The following ZNF280B variants were observed in gnomAD, a reference collection of about 807,000 sequenced individuals.
The protein encoded by ZNF280B is zinc finger protein 280B.
A neutral mutation model predicts 38.0 loss-of-function variants in ZNF280B; 16 were observed. The ratio of observed to expected loss-of-function variants is 0.42; its 90% confidence interval spans 0.28 to 0.64. ZNF280B has a LOEUF of 0.64. Ranked by LOEUF, ZNF280B falls within the 30% of genes least tolerant of loss-of-function variation. The pLI, the probability that ZNF280B is intolerant of heterozygous loss-of-function variation, is 0.21. For synonymous variants in ZNF280B, 253 were observed against 230.6 expected, an observed-to-expected ratio of 1.10 and a Z score of -0.88; for missense variants, 581 against 639.6, an observed-to-expected ratio of 0.91 and a Z score of 0.99.
chr22:22,508,462 AAGGGGGTGTGCGTG>A (rs1362878859), intron 1 of ZNF280B, among the ~76,000 whole-genome samples, 183 bp downstream of exon 1: 4 of 151,518 alleles, frequency 2.6e-5, no homozygotes, highest in African/African-American at 9.7e-5. Flanking sequence ...GAGATTAGGG[AAGGGGGTGTGCGTG>A]AGGGGATCGT....
Position 22,485,459 on chromosome 22 carries a change from C to A in ZNF280B, c.*2308G>T, listed in dbSNP as rs2061491073. ...GTAATTTTAGCAAAGTGTCTTAACCCAAGCAACGTAACTGAAAAGACCTAG... is the reference window on the plus strand; with the variant it reads ...GTAATTTTAGCAAAGTGTCTTAACCAAAGCAACGTAACTGAAAAGACCTAG... On this transcript the variant is annotated 3_prime_UTR_variant, in exon 4 of 4. Coordinates refer to ENST00000626650, the MANE Select transcript of ZNF280B (RefSeq NM_080764.4). 1 of 152,012 alleles carries A rather than the reference C, an allele frequency of 6.6e-6. No homozygotes were observed. The highest frequency in any genetic ancestry group is 2.1e-4 in the South Asian group (1 of 4,816). 9.4% of individuals were successfully genotyped at this position (152,012 alleles called of 1,614,324 possible). A position where few individuals can be genotyped will look rare whatever the true frequency, so the allele number is the denominator to read the frequency against.
intron 2 of ZNF280B, among the ~76,000 whole-genome samples, chr22:22,502,198 C>T (rs909281453): frequency 6.6e-6 from 1 of 151,956 alleles, no homozygotes; most frequent in Non-Finnish European, 1.5e-5. Flanking sequence ...CCAAGCAGCA[C>T]ATGAAATGCT....
intron 3 of ZNF280B, among the ~76,000 whole-genome samples, chr22:22,493,238 A>C (rs2061632704): frequency 1.3e-5 from 2 of 151,844 alleles, no homozygotes; most frequent in Non-Finnish European, 1.5e-5. Context: ...TCATCTCCTG[A>C]CCTCATGGTC....
chr22:22,485,725 T>C lies in ZNF280B; in HGVS notation c.*2042A>G, dbSNP rs1010296348. The C allele has an allele frequency of 1.3e-5, 2 of 151,882 alleles. No homozygotes were observed. The highest frequency in any genetic ancestry group is 4.8e-5 in the African/African-American group (2 of 41,344). The allele number at this position is 151,882 out of a possible 1,614,324, so 9.4% of individuals were successfully genotyped here. On this transcript the variant is annotated 3_prime_UTR_variant, in exon 4 of 4. Coordinates refer to ENST00000626650, the MANE Select transcript of ZNF280B (RefSeq NM_080764.4). ...GAGGGAAGAAAGGAGTGGGGAGAGA[T>C]AAGGTACCTTTAAAAAGAAATCAAG...
chr22:22,490,069 A>G (rs566141350), intron 3 of ZNF280B, among the ~76,000 whole-genome samples: 8 of 151,890 alleles, frequency 5.3e-5, no homozygotes, highest in East Asian at 2.0e-4. Flanking sequence ...ATAGAGTTAG[A>G]GTACCTACAC....
chr22:22,502,925 A>T (rs2061854574), intron 2 of ZNF280B, among the ~76,000 whole-genome samples: 1 of 152,002 alleles, frequency 6.6e-6, no homozygotes, highest in Admixed American at 6.6e-5. Context: ...ATGCCACCAC[A>T]AATGTCCTTG....
intron 2 of ZNF280B, among the ~76,000 whole-genome samples, chr22:22,495,370 TC>T (rs2061673605): frequency 6.6e-6 from 1 of 151,924 alleles, no homozygotes. Flanking sequence ...TTGAGAGAAA[TC>T]GGTAAACATT....
Position 22,487,769 on chromosome 22 carries a change from A to C in ZNF280B, c.1630T>G (p.Ter544GluextTer2), listed in dbSNP as rs925531925. 2 of 1,570,356 alleles carry C rather than the reference A, an allele frequency of 1.3e-6. No homozygotes were observed. The highest frequency in any genetic ancestry group is 4.5e-5 in the East Asian group (2 of 44,398). Residue 544 changes from the stop codon to glutamate, a stop_lost, in exon 4 of 4, where the codon TAA (stop) becomes GAA (glutamate). Transcript: ENST00000626650. ...SKSKISKKSH[*>E] Reference sequence around the variant, plus strand: ...CTTTAGATTTACTGAAACTAGAATTAATGGGACTTTTTTGAAATTTTGCTT... The same window carrying C: ...CTTTAGATTTACTGAAACTAGAATTCATGGGACTTTTTTGAAATTTTGCTT...
intron 2 of ZNF280B, among the ~76,000 whole-genome samples, chr22:22,505,332 G>T: frequency 6.6e-6 from 1 of 151,918 alleles, no homozygotes; most frequent in East Asian, 2.0e-4. Flanking sequence ...TTGGGAGGCC[G>T]AGGCGGGTGG....
intron 2 of ZNF280B, among the ~76,000 whole-genome samples, chr22:22,498,922 C>T (rs979958561): frequency 3.4e-4 from 51 of 151,054 alleles, no homozygotes; most frequent in African/African-American, 1.2e-3. Flanking sequence ...CTCAGCCTCC[C>T]GAGTAGCTGG....
In ZNF280B at chr22:22,485,459, C is replaced by T. The variant is rs2061491073; in HGVS notation, c.*2308G>A. ...GTAATTTTAGCAAAGTGTCTTAACC[C>T]AAGCAACGTAACTGAAAAGACCTAG... is the stretch of plus-strand genomic sequence containing the variant. On this transcript the variant is annotated 3_prime_UTR_variant, in exon 4 of 4. Transcript: ENST00000626650. 1 of 151,896 alleles carries T rather than the reference C, an allele frequency of 6.6e-6. No homozygotes were observed. The highest frequency in any genetic ancestry group is 1.5e-5 in the Non-Finnish European group (1 of 68,020). The allele number at this position is 151,896 out of a possible 1,614,324, so 9.4% of individuals were successfully genotyped here.
At chr22:22,505,264 A>C (rs1034256267) in intron 2 of ZNF280B, among the ~76,000 whole-genome samples, 1 of 152,082 alleles carries the variant, frequency 6.6e-6, no homozygotes, top group Middle Eastern at 3.5e-3. Context: ...CATGTAGGCC[A>C]TTCTAAATTC....
At chr22:22,497,472 A>G (rs899744572) in intron 2 of ZNF280B, among the ~76,000 whole-genome samples, 3 of 151,798 alleles carry the variant, frequency 2.0e-5, no homozygotes, top group African/African-American at 7.3e-5. Flanking sequence ...CGGAGGTTAC[A>G]AAGGAGATTT....
chr22:22,493,310 C>A (rs2061634257), intron 3 of ZNF280B, among the ~76,000 whole-genome samples: 1 of 151,898 alleles, frequency 6.6e-6, no homozygotes, highest in African/African-American at 2.4e-5. Context: ...CCCGGCCAAT[C>A]TGAAGATTAA....
rs571460806 is a variant in ZNF280B, at chr22:22,495,485, C to A, written c.-186-1305G>T. On this transcript the variant is annotated intron_variant, in intron 2 of 3. Transcript: ENST00000626650. Reference sequence around the variant, plus strand: ...AGTAAGTATAATAAAAATGCAAATTCTCTGGTGAACTGGAAGATGACGTTA... The same window carrying A: ...AGTAAGTATAATAAAAATGCAAATTATCTGGTGAACTGGAAGATGACGTTA... Among the ~76,000 whole-genome samples the A allele has an allele frequency of 3.3e-5, 5 of 151,862 alleles. No homozygotes were observed. The South Asian group carries it at 1.0e-3, about 32-fold the overall frequency.
chr22:22,507,380 T>C (rs966987600), intron 2 of ZNF280B, among the ~76,000 whole-genome samples: 4 of 151,950 alleles, frequency 2.6e-5, no homozygotes, highest in Non-Finnish European at 2.9e-5. Context: ...CTCACTGAGC[T>C]GTAATCACAA....
At chr22:22,499,561 C>A (rs1213674752) in intron 2 of ZNF280B, among the ~76,000 whole-genome samples, 2 of 152,020 alleles carry the variant, frequency 1.3e-5, no homozygotes, top group Non-Finnish European at 2.9e-5. Context: ...GCCACCATGC[C>A]CAGCCTATAC....
chr22:22,488,951 C>T lies in ZNF280B; in HGVS notation c.448G>A (p.Asp150Asn), dbSNP rs1443814245. ...ELPSPLITFT[D>N]SLHHPVSTAL... ...GTACTTACTGGATGATGCAATGAAT[C>T]TGTGAATGTAATCAAAGGAGAAGGT... is the stretch of plus-strand genomic sequence containing the variant. Residue 150 changes from aspartate (D) to asparagine (N), a missense_variant, in exon 4 of 4, where the codon GAT becomes AAT. Coordinates refer to ENST00000626650, the MANE Select transcript of ZNF280B (RefSeq NM_080764.4). The T allele has an allele frequency of 6.2e-7, 1 of 1,613,704 alleles. No individual in the cohort carries two copies. Among genetic ancestry groups the T allele is most frequent in the Non-Finnish European group, 8.5e-7 (1 of 1,179,984 alleles).
chr22:22,500,993 C>T (rs1193669320), intron 2 of ZNF280B, among the ~76,000 whole-genome samples: 3 of 138,196 alleles, frequency 2.2e-5, no homozygotes, highest in South Asian at 2.4e-4. Flanking sequence ...GCACTCCAGC[C>T]TGGGCAACAC....
Sources: allele counts gnomAD v4.1 joint callset (sites outside exome capture counted in the v4.1 genomes callset), GRCh38; gene constraint gnomAD v4.1.1; transcripts MANE v1.5; gene names NCBI Gene and HGNC (gene_info 2026-07-23, HGNC 2026-07-21).